The following CHRNA7 variants were observed in gnomAD, a reference collection of about 807,000 sequenced individuals.
The protein encoded by CHRNA7 is neuronal acetylcholine receptor subunit alpha-7.
A neutral mutation model predicts 48.0 loss-of-function variants in CHRNA7; 17 were observed. That is an observed-to-expected ratio of 0.35 (90% CI 0.24 to 0.53). The LOEUF is 0.53. CHRNA7 is among the 20% of genes least tolerant of loss of function. CHRNA7 has a pLI of 0.92. For synonymous variants in CHRNA7, 75 were observed against 242.3 expected (o/e 0.31, Z 6.41); for missense variants, 155 against 577.7 (o/e 0.27, Z 7.50).
chr15:32,117,912 A>T (rs1256675257), intron 4 of CHRNA7, among the ~76,000 whole-genome samples: 1 of 152,004 alleles, frequency 6.6e-6, no homozygotes, highest in East Asian at 1.9e-4. Flanking sequence ...CTGGAAGGTG[A>T]TGTGGTTGCT....
At chr15:32,121,708 C>G (rs1300101506) in intron 4 of CHRNA7, among the ~76,000 whole-genome samples, 1 of 152,170 alleles carries the variant, frequency 6.6e-6, no homozygotes, top group South Asian at 2.1e-4. Flanking sequence ...GAGGTCCTGG[C>G]ACTGCTGTTA....
intron 3 of CHRNA7, among the ~76,000 whole-genome samples, chr15:32,105,311 T>A (rs2050645056): frequency 6.6e-6 from 1 of 151,796 alleles, no homozygotes; most frequent in Non-Finnish European, 1.5e-5. Context: ...GGCTGTGTAA[T>A]TAACACGTTT....
intron 2 of CHRNA7, among the ~76,000 whole-genome samples, chr15:32,083,734 A>C (rs1270460898): frequency 6.6e-6 from 1 of 152,210 alleles, no homozygotes; most frequent in Non-Finnish European, 1.5e-5. Flanking sequence ...ATATATAACA[A>C]AAGGTCATTT....
intron 4 of CHRNA7, among the ~76,000 whole-genome samples, chr15:32,118,115 G>A (rs1290316398): frequency 2.0e-5 from 3 of 152,116 alleles, no homozygotes; most frequent in African/African-American, 7.2e-5. Context: ...TCATGGGAAT[G>A]GGACTGATAA....
intron 3 of CHRNA7, among the ~76,000 whole-genome samples, chr15:32,110,176 G>A (rs1473769908): frequency 6.6e-6 from 1 of 152,232 alleles, no homozygotes; most frequent in South Asian, 2.1e-4. Context: ...GAAAGCACAG[G>A]TGTTGGCTGT....
intron 2 of CHRNA7, among the ~76,000 whole-genome samples, chr15:32,066,116 CCTAAATAG>C (rs1321449282): frequency 9.8e-5 from 15 of 152,368 alleles, no homozygotes; most frequent in African/African-American, 3.6e-4. Flanking sequence ...ATCTCAGTTT[CCTAAATAG>C]CTGGCAACTC....
chr15:32,146,042 T>C (rs180766538), intron 4 of CHRNA7, among the ~76,000 whole-genome samples: 2 of 152,334 alleles, frequency 1.3e-5, no homozygotes, highest in East Asian at 1.9e-4. Context: ...TATTCGGCCA[T>C]CTTGGAAGCA....
At chr15:32,146,037 G>A (rs1057260748) in intron 4 of CHRNA7, among the ~76,000 whole-genome samples, 1 of 152,100 alleles carries the variant, frequency 6.6e-6, no homozygotes, top group African/African-American at 2.4e-5. Flanking sequence ...GTTCTTATTC[G>A]GCCATCTTGG....
intron 2 of CHRNA7, among the ~76,000 whole-genome samples, chr15:32,091,277 T>C (rs2050377622): frequency 6.6e-6 from 1 of 152,224 alleles, no homozygotes; most frequent in African/African-American, 2.4e-5. Flanking sequence ...TGTTATACTT[T>C]ATGTATTTTG....
intron 5 of CHRNA7, chr15:32,156,147 C>G (rs2051734378): frequency 7.6e-6 from 1 of 132,384 alleles, no homozygotes; most frequent in Admixed American, 7.5e-5. Flanking sequence ...ATTCCTACTC[C>G]CAGCAACCAC....
chr15:32,120,983 C>G (rs1406708244), intron 4 of CHRNA7, among the ~76,000 whole-genome samples: 2 of 151,832 alleles, frequency 1.3e-5, no homozygotes, highest in African/African-American at 4.8e-5. Flanking sequence ...CCTTCCCGAG[C>G]CTGCTGTGGG....
chr15:32,108,344 C>G (rs2050705967), intron 3 of CHRNA7, among the ~76,000 whole-genome samples: 1 of 152,204 alleles, frequency 6.6e-6, no homozygotes, highest in Non-Finnish European at 1.5e-5. Flanking sequence ...GAAGAGCACA[C>G]ACTCCTCTAA....
chr15:32,134,161 T>G (rs1489722102), intron 4 of CHRNA7, among the ~76,000 whole-genome samples: 6 of 151,004 alleles, frequency 4.0e-5, no homozygotes, highest in Admixed American at 1.3e-4. Context: ...TTTTTTTGTG[T>G]GTTTTTTTTT....
chr15:32,102,115 GTC>G (rs2050583247), intron 3 of CHRNA7: 1 of 151,384 alleles, frequency 6.6e-6, no homozygotes, highest in East Asian at 1.9e-4. Flanking sequence ...ATGTTTGAAA[GTC>G]TCTTTTTTGT....
At chr15:32,128,280 C>T (rs1418041439) in intron 4 of CHRNA7, among the ~76,000 whole-genome samples, 2 of 151,772 alleles carry the variant, frequency 1.3e-5, no homozygotes, top group African/African-American at 2.4e-5. Flanking sequence ...ATTTTAGTTT[C>T]TTTGTTTATA....
chr15:32,112,210 G>A (rs1379666881), intron 4 of CHRNA7: 7 of 515,718 alleles, frequency 1.4e-5, no homozygotes, highest in Non-Finnish European at 2.3e-5. Context: ...CTTGCATAAG[G>A]CAGTACCTTT....
intron 2 of CHRNA7, among the ~76,000 whole-genome samples, chr15:32,087,727 TA>T (rs2050321015): frequency 6.6e-6 from 1 of 152,200 alleles, no homozygotes; most frequent in African/African-American, 2.4e-5. Flanking sequence ...ACATGTACAG[TA>T]GTTTCAGAAT....
chr15:32,077,295 T>C (rs1454097034), intron 2 of CHRNA7, among the ~76,000 whole-genome samples: 1 of 152,206 alleles, frequency 6.6e-6, no homozygotes, highest in Admixed American at 6.5e-5. Context: ...TGTTTTCAAA[T>C]CCTTTGGGTA....
intron 2 of CHRNA7, among the ~76,000 whole-genome samples, chr15:32,035,864 TA>T (rs1390950048): frequency 1.3e-5 from 2 of 152,166 alleles, no homozygotes; most frequent in African/African-American, 4.8e-5. Context: ...CTTCCTCAAT[TA>T]TCAACATTCC....
Sources: allele counts gnomAD v4.1 joint callset (sites outside exome capture counted in the v4.1 genomes callset), GRCh38; gene constraint gnomAD v4.1.1; transcripts MANE v1.5; gene names NCBI Gene and HGNC (gene_info 2026-07-23, HGNC 2026-07-21).